Variants in MAGI1 observed in about 807,000 individuals in gnomAD.
MAGI1 encodes membrane associated guanylate kinase, WW and PDZ domain containing 1.
In MAGI1, 58 loss-of-function variants were observed where a neutral mutation model predicts 139.9. That is an observed-to-expected ratio of 0.41 (90% CI 0.34 to 0.52). MAGI1 has a LOEUF of 0.52. MAGI1 is among the 20% of genes least tolerant of loss of function. The probability of loss-of-function intolerance (pLI) is 0.12; values close to 1 mark genes in which losing one functional copy is unlikely to be tolerated. For missense variants in MAGI1, 1,874 were observed against 1,901.6 expected (o/e 0.99, Z 0.27); for synonymous variants, 812 against 737.9 (o/e 1.10, Z -1.63).
At chr3:66,009,294 G>C (rs1406747374) in intron 1 of MAGI1, 1 of 152,184 alleles carries the variant, frequency 6.6e-6, no homozygotes. Context: ...CGGATCACCT[G>C]AGGTCAAGAG....
intron 1 of MAGI1, among the ~76,000 whole-genome samples, chr3:65,981,621 A>G (rs745636318): frequency 2.6e-5 from 4 of 152,194 alleles, no homozygotes; most frequent in Non-Finnish European, 5.9e-5. Context: ...TGTAGCTCCC[A>G]TAATTCCCAC....
At chr3:65,947,938 CTTTTTTTTTT>C (rs763826259) in intron 1 of MAGI1, among the ~76,000 whole-genome samples, 4 of 127,876 alleles carry the variant, frequency 3.1e-5, no homozygotes, top group South Asian at 5.2e-4. Context: ...ATATCTTTCT[CTTTTTTTTTT>C]TTTTTTTTTT....
In MAGI1 at chr3:65,470,381, G is replaced by A. The variant is rs765655565; in HGVS notation, c.861C>T (p.Phe287=). Reference sequence around the variant, plus strand: ...CTGCAGAAAGAGGTAGGTATTGAGGGAACTTCTGAGAAGGGTCCGTGATGG... The same window carrying A: ...CTGCAGAAAGAGGTAGGTATTGAGGAAACTTCTGAGAAGGGTCCGTGATGG... ...AAPITDPSQK[F]PQYLPLSAED... is the part of the protein sequence containing the mutation. Residue 287 remains phenylalanine (F), a synonymous_variant, in exon 5 of 23, where the codon TTC becomes TTT. Coordinates refer to ENST00000402939, the MANE Select transcript of MAGI1 (RefSeq NM_001033057.2). 1.2e-6 allele frequency: 2 copies of A among 1,613,738 alleles called. No individual in the cohort carries two copies. The highest frequency in any genetic ancestry group is 1.3e-5 in the African/African-American group (1 of 75,004).
chr3:65,767,264 A>T (rs1413782280), intron 1 of MAGI1, among the ~76,000 whole-genome samples: 1 of 151,944 alleles, frequency 6.6e-6, no homozygotes, highest in Non-Finnish European at 1.5e-5. Flanking sequence ...ATCTAAAATT[A>T]TATATAGTAT....
intron 14 of MAGI1, among the ~76,000 whole-genome samples, chr3:65,389,611 C>A (rs1018516847): frequency 6.6e-6 from 1 of 152,180 alleles, no homozygotes; most frequent in Non-Finnish European, 1.5e-5. Flanking sequence ...TCAGTGAAAT[C>A]ACTACAGTGA....
rs754508342 is a variant in MAGI1, at chr3:65,439,889, C to CTGT, written c.1259_1260insACA (p.Gln421dup). 6.3e-7 allele frequency: 1 copy of CTGT among 1,586,620 alleles called. No individual in the cohort carries two copies. Among genetic ancestry groups the CTGT allele is most frequent in the African/African-American group, 1.3e-5 (1 of 74,180 alleles). On this transcript the variant is annotated inframe_insertion, in exon 9 of 23. Coordinates refer to ENST00000402939, the MANE Select transcript of MAGI1 (RefSeq NM_001033057.2). ...AGGAAAGAGGCCAACCTTCTGTCTG[C>CTGT]TGCTGCTGCTGCTGCTGCTGCTGCT...
At chr3:65,847,151 T>A (rs967600643) in intron 1 of MAGI1, among the ~76,000 whole-genome samples, 2 of 152,162 alleles carry the variant, frequency 1.3e-5, no homozygotes, top group Admixed American at 1.3e-4. Context: ...TTTTCTTTCT[T>A]ATAAATACAA....
intron 1 of MAGI1, among the ~76,000 whole-genome samples, chr3:65,850,399 G>A (rs998488495): frequency 6.6e-6 from 1 of 152,054 alleles, no homozygotes; most frequent in African/African-American, 2.4e-5. Flanking sequence ...TTGCATCCCA[G>A]GAACACTCTC....
intron 8 of MAGI1, 52 bp downstream of exon 8, chr3:65,442,740 C>T: frequency 7.5e-7 from 1 of 1,342,224 alleles, no homozygotes; most frequent in South Asian, 1.3e-5. Context: ...CACAAATGTA[C>T]ATAATTATAG....
At chr3:65,954,255 A>T (rs1404927823) in intron 1 of MAGI1, among the ~76,000 whole-genome samples, 1 of 152,110 alleles carries the variant, frequency 6.6e-6, no homozygotes, top group Non-Finnish European at 1.5e-5. Context: ...TAGAGTTTGC[A>T]CTTCTGTTTC....
At chr3:65,877,078 C>CA (rs1263486977) in intron 1 of MAGI1, among the ~76,000 whole-genome samples, 5 of 152,132 alleles carry the variant, frequency 3.3e-5, no homozygotes, top group African/African-American at 9.7e-5. Flanking sequence ...TAAATTAACA[C>CA]AAAACAAAAA....
intron 1 of MAGI1, among the ~76,000 whole-genome samples, chr3:65,901,101 C>T (rs1169084363): frequency 6.6e-6 from 1 of 152,222 alleles, no homozygotes; most frequent in Non-Finnish European, 1.5e-5. Context: ...GATACCCTTA[C>T]AGTAAACATC....
intron 1 of MAGI1, among the ~76,000 whole-genome samples, chr3:66,002,118 T>C (rs4688629): frequency 0.42 from 63,711 of 151,974 alleles, 14,913 homozygotes; most frequent in East Asian, 0.62. Context: ...CTCTTGGCAA[T>C]AAAGGGGCCT....
chr3:65,778,441 A>AAAAAAAAAAAC (rs2038653733), intron 1 of MAGI1, among the ~76,000 whole-genome samples: 1 of 145,692 alleles, frequency 6.9e-6, no homozygotes, highest in Non-Finnish European at 1.5e-5. Context: ...AAAAAAAAAA[A>AAAAAAAAAAAC]AAATAAATAA....
intron 12 of MAGI1, among the ~76,000 whole-genome samples, chr3:65,404,413 A>C (rs1945166901): frequency 6.6e-6 from 1 of 151,928 alleles, no homozygotes; most frequent in Admixed American, 6.6e-5. Flanking sequence ...AAATAAGAAA[A>C]CCTTTGTTTA....
intron 1 of MAGI1, among the ~76,000 whole-genome samples, chr3:65,893,476 A>G (rs1243242768): frequency 3.3e-5 from 5 of 152,206 alleles, no homozygotes; most frequent in Admixed American, 3.3e-4. Context: ...AAATCCAACA[A>G]TATAGTTTAA....
In MAGI1 at chr3:65,437,191, T is replaced by A; in HGVS notation, c.1327A>T (p.Ser443Cys). 1 of 1,612,236 alleles carries A rather than the reference T, an allele frequency of 6.2e-7. No individual in the cohort carries two copies. Among genetic ancestry groups the A allele is most frequent in the Non-Finnish European group, 8.5e-7 (1 of 1,178,474 alleles). Reference protein sequence around the residue: ...VPPVIPNHPPSNPEPAREVPL... With the variant: ...VPPVIPNHPPCNPEPAREVPL... ...ACTTCTCTGGCTGGCTCTGGATTGCTTGGAGGGTGGTTTGGAATAACAGGA... is the reference window on the plus strand; with the variant it reads ...ACTTCTCTGGCTGGCTCTGGATTGCATGGAGGGTGGTTTGGAATAACAGGA... The change falls in exon 10 of 23, where the codon AGC becomes TGC. Residue 443 changes from serine (S) to cysteine (C), a missense_variant. By Grantham distance (112) the Ser-to-Cys change is moderately radical. Coordinates refer to ENST00000402939, the MANE Select transcript of MAGI1 (RefSeq NM_001033057.2).
chr3:65,533,846 A>G (rs10510940), intron 2 of MAGI1, among the ~76,000 whole-genome samples: 9,762 of 152,220 alleles, frequency 0.064, 423 homozygotes, highest in Non-Finnish European at 0.095. Flanking sequence ...AATCATCCCA[A>G]ATATTACATC....
intron 5 of MAGI1, among the ~76,000 whole-genome samples, chr3:65,462,909 GCTCT>G (rs750703569): frequency 7.9e-5 from 12 of 152,062 alleles, no homozygotes; most frequent in Non-Finnish European, 1.3e-4. Context: ...TCATGATTTG[GCTCT>G]CTGTTTGTCT....
Sources: gnomAD v4.1 joint callset for allele counts (sites outside exome capture counted in the v4.1 genomes callset) on GRCh38, gnomAD v4.1.1 for gene constraint, MANE v1.5 for transcripts, NCBI Gene and HGNC (gene_info 2026-07-23, HGNC 2026-07-21) for gene names.